Variants in KALRN observed in about 807,000 individuals in gnomAD.
KALRN encodes kalirin.
KALRN carries 70 observed loss-of-function variants against 353.7 expected under a neutral mutation model. The ratio of observed to expected loss-of-function variants is 0.20; its 90% confidence interval spans 0.16 to 0.24. KALRN has a LOEUF of 0.24. Among genes scored for constraint, KALRN ranks in the 10% least tolerant of loss-of-function variants. The pLI is 1.00. For synonymous variants in KALRN, 1,391 were observed against 1,434.8 expected (o/e 0.97, Z 0.69); for missense variants, 2,791 against 3,756.7 (o/e 0.74, Z 6.72).
rs142228887 is a variant in KALRN at position 124,651,022 on chromosome 3, G to A, written c.5795+84G>A. 4.7e-3 allele frequency: 7,067 copies of A among 1,506,582 alleles called. 51 individuals carry two copies. Among genetic ancestry groups the A allele is most frequent in the South Asian group, 0.02 (1,674 of 83,366 alleles). The allele number at this position is 1,506,582 out of a possible 1,614,324, so 93.3% of individuals were successfully genotyped here. ...CAAAGGTTGGGGAAAATTCGAGAGG[G>A]GTTCCCCACGCTGTTTCCACTGACA... is the stretch of plus-strand genomic sequence containing the variant. On this transcript the variant is annotated intron_variant, in intron 38 of 59. Transcript: ENST00000682506.
rs1301366986 is a variant in KALRN at position 124,191,998 on chromosome 3, G to T, written c.74-35992G>T. Among the ~76,000 whole-genome samples, 3 of 152,318 alleles carry T rather than the reference G, an allele frequency of 2.0e-5. No individual in the cohort carries two copies. In the East Asian group the frequency reaches 5.8e-4, roughly 29 times the overall value. ...ACCATATCTCCAGGTGAAGGGCCTG[G>T]GAACCTGTGTGTTCAACAAGTGACC... On this transcript the variant is annotated intron_variant, in intron 1 of 59. Coordinates refer to ENST00000682506, the MANE Select transcript of KALRN (RefSeq NM_001388419.1).
At chr3:124,085,506 T>C (rs901582559) in intron 1 of KALRN, among the ~76,000 whole-genome samples, 2 of 152,218 alleles carry the variant, frequency 1.3e-5, no homozygotes, top group South Asian at 2.1e-4. Flanking sequence ...TCTCATGATA[T>C]AGTGATAGAA....
At chr3:124,706,052 A>C (rs933782039) in intron 57 of KALRN, among the ~76,000 whole-genome samples, 3 of 152,042 alleles carry the variant, frequency 2.0e-5, no homozygotes. Flanking sequence ...GACTACAGAC[A>C]CACACCATTA....
intron 34 of KALRN, among the ~76,000 whole-genome samples, chr3:124,570,561 T>C (rs2073399725): frequency 6.6e-6 from 1 of 152,170 alleles, no homozygotes; most frequent in African/African-American, 2.4e-5. Context: ...GGTATGGTGT[T>C]TTTAAAAATT....
At chr3:124,596,632 A>G (rs1315390029) in intron 34 of KALRN, among the ~76,000 whole-genome samples, 1 of 152,230 alleles carries the variant, frequency 6.6e-6, no homozygotes, top group African/African-American at 2.4e-5. Flanking sequence ...TTCATCTGGA[A>G]GATGAAGACC....
intron 34 of KALRN, among the ~76,000 whole-genome samples, chr3:124,571,400 C>A (rs2073493110): frequency 6.6e-6 from 1 of 152,218 alleles, no homozygotes; most frequent in African/African-American, 2.4e-5. Flanking sequence ...TGGTTTCTCA[C>A]TCACAGACAC....
intron 33 of KALRN, among the ~76,000 whole-genome samples, chr3:124,532,274 C>T (rs2068106078): frequency 6.6e-6 from 1 of 152,220 alleles, no homozygotes; most frequent in African/African-American, 2.4e-5. Flanking sequence ...GATTGCATGA[C>T]ATTGCTCTAG....
intron 33 of KALRN, among the ~76,000 whole-genome samples, chr3:124,523,642 T>C (rs1445461825): frequency 1.3e-5 from 2 of 152,250 alleles, no homozygotes; most frequent in Non-Finnish European, 2.9e-5. Context: ...AGAGTAGATT[T>C]TGTTATATCT....
intron 23 of KALRN, among the ~76,000 whole-genome samples, chr3:124,459,982 A>T (rs1360729850): frequency 1.3e-5 from 2 of 152,196 alleles, no homozygotes; most frequent in African/African-American, 4.8e-5. Context: ...GCCTAAACTC[A>T]AGGTGTCAGC....
At chr3:124,383,849 G>C (rs2087785774) in intron 10 of KALRN, among the ~76,000 whole-genome samples, 1 of 152,102 alleles carries the variant, frequency 6.6e-6, no homozygotes, top group Admixed American at 6.5e-5. Context: ...AAGCACCAGA[G>C]AGTCATTGCT....
chr3:124,481,877 T>C (rs181222012), intron 27 of KALRN, among the ~76,000 whole-genome samples: 3 of 152,354 alleles, frequency 2.0e-5, no homozygotes, highest in African/African-American at 7.2e-5. Flanking sequence ...TTTTATTGGC[T>C]ATACCATTTC....
At chr3:124,267,768 T>C (rs2073734463) in intron 4 of KALRN, among the ~76,000 whole-genome samples, 1 of 152,176 alleles carries the variant, frequency 6.6e-6, no homozygotes, top group African/African-American at 2.4e-5. Context: ...TTTTGAGTAA[T>C]GATGCAGCCT....
At chr3:124,394,367 G>A (rs1413077744) in intron 11 of KALRN, among the ~76,000 whole-genome samples, 5 of 152,154 alleles carry the variant, frequency 3.3e-5, no homozygotes, top group African/African-American at 1.2e-4. Flanking sequence ...TCTCTGGCAG[G>A]CCACTGGAGA....
intron 1 of KALRN, among the ~76,000 whole-genome samples, chr3:124,128,367 A>G (rs992153471): frequency 6.6e-6 from 1 of 152,298 alleles, no homozygotes; most frequent in East Asian, 1.9e-4. Context: ...TACTTTTTGT[A>G]TATTAAAAGA....
At chr3:124,209,397 G>A (rs1223527144) in intron 1 of KALRN, among the ~76,000 whole-genome samples, 1 of 150,018 alleles carries the variant, frequency 6.7e-6, no homozygotes, top group Non-Finnish European at 1.5e-5. Flanking sequence ...ATCCCAGCTA[G>A]TGGGACTGGG....
At chr3:124,060,223 A>T (rs1211365035) in intron 1 of KALRN, among the ~76,000 whole-genome samples, 1 of 152,124 alleles carries the variant, frequency 6.6e-6, no homozygotes, top group African/African-American at 2.4e-5. Context: ...ACATAAAATG[A>T]GCGGGAGGTG....
intron 15 of KALRN, among the ~76,000 whole-genome samples, chr3:124,426,027 A>G (rs1056568519): frequency 2.6e-5 from 4 of 152,218 alleles, no homozygotes; most frequent in African/African-American, 9.7e-5. Flanking sequence ...AAATTGCTCA[A>G]ACCAGATTCT....
chr3:124,131,065 C>G (rs2065220743), intron 1 of KALRN, among the ~76,000 whole-genome samples: 1 of 151,952 alleles, frequency 6.6e-6, no homozygotes, highest in Admixed American at 6.6e-5. Context: ...CCAGCTGTAC[C>G]CTTATGATTT....
Position 124,430,733 on chromosome 3 carries a change from G to A in KALRN, c.2787G>A (p.Glu929=). 6.2e-7 allele frequency: 1 copy of A among 1,614,114 alleles called. No individual in the cohort carries two copies. The highest frequency in any genetic ancestry group is 8.5e-7 in the Non-Finnish European group (1 of 1,179,990). The change falls in exon 16 of 60, where the codon GAG becomes GAA. Residue 929 remains glutamate, a synonymous_variant. Coordinates refer to ENST00000682506, the MANE Select transcript of KALRN (RefSeq NM_001388419.1). ...ATGCCAGCTCTTTGTCGGAAGCAGA[G>A]CAGCTGCAGCGGGAGCACGAGCAGT... The part of the protein sequence containing the change: ...LVNASSLSEA[E]QLQREHEQFQ...
Sources: allele counts gnomAD v4.1 joint callset (sites outside exome capture counted in the v4.1 genomes callset), GRCh38; gene constraint gnomAD v4.1.1; transcripts MANE v1.5; gene names NCBI Gene and HGNC (gene_info 2026-07-23, HGNC 2026-07-21).